Variants in LPCAT2 observed in about 807,000 individuals in gnomAD.
LPCAT2 encodes the protein 1-AGP acyltransferase 11.
In LPCAT2, 58 loss-of-function variants were observed where a neutral mutation model predicts 64.7. The observed-to-expected ratio is 0.90, with a 90% CI of 0.73 to 1.12. The LOEUF (loss-of-function observed/expected upper bound fraction) is 1.12, where lower values mean the gene tolerates loss of function less well. Among genes scored for constraint, LPCAT2 ranks in the 50% most tolerant of loss-of-function variants. LPCAT2 has a pLI of 0.00. For missense variants in LPCAT2, 579 were observed against 669.8 expected (o/e 0.86, Z 1.50); for synonymous variants, 252 against 245.3 (o/e 1.03, Z -0.26).
intron 8 of LPCAT2, among the ~76,000 whole-genome samples, chr16:55,543,427 T>C (rs769119723): frequency 3.8e-4 from 58 of 152,214 alleles, no homozygotes; most frequent in Non-Finnish European, 6.8e-4. Flanking sequence ...TCAAGTGTAT[T>C]ACAAATGGTT....
Position 55,531,309 on chromosome 16 carries a change from A to G in LPCAT2, c.643-605A>G, listed in dbSNP as rs189585965. Among the ~76,000 whole-genome samples, 4 of 152,256 alleles carry G rather than the reference A, an allele frequency of 2.6e-5. No homozygotes were observed. In the East Asian group the frequency reaches 7.7e-4, roughly 29 times the overall value. ...CATCAGAAAATTAAGTTGCTATTTTACTTAATGGGGAAACTAACGTACTGC... is the reference window on the plus strand; with the variant it reads ...CATCAGAAAATTAAGTTGCTATTTTGCTTAATGGGGAAACTAACGTACTGC... On this transcript the variant is annotated intron_variant, in intron 4 of 13. Transcript: ENST00000262134.
intron 7 of LPCAT2, among the ~76,000 whole-genome samples, chr16:55,537,045 GT>G (rs1963332962): frequency 1.3e-5 from 2 of 151,950 alleles, no homozygotes; most frequent in African/African-American, 2.4e-5. Context: ...CTACCTAGGA[GT>G]TTTATAAACA....
At chr16:55,529,770 G>A (rs1276889772) in intron 3 of LPCAT2, 65 bp from the exon 4 acceptor site, 2 of 735,776 alleles carry the variant, frequency 2.7e-6, no homozygotes, top group Non-Finnish European at 4.5e-6. Flanking sequence ...TATATATCCA[G>A]TATTATTGCT....
chr16:55,513,507 G>A (rs915169715), intron 1 of LPCAT2, among the ~76,000 whole-genome samples: 75 of 121,966 alleles, frequency 6.1e-4, no homozygotes, highest in Non-Finnish European at 1.2e-3. Context: ...CTCTATAAAA[G>A]CAATGAAAAC....
At chr16:55,526,936 G>C (rs1053853886) in intron 2 of LPCAT2, among the ~76,000 whole-genome samples, 2 of 152,080 alleles carry the variant, frequency 1.3e-5, no homozygotes, top group Non-Finnish European at 2.9e-5. Context: ...AAATAAGAGT[G>C]TTTAATGGCT....
chr16:55,578,702 A>G (rs75330616), intron 12 of LPCAT2, among the ~76,000 whole-genome samples: 2 of 152,162 alleles, frequency 1.3e-5, no homozygotes, highest in African/African-American at 4.8e-5. Flanking sequence ...TATACCCACC[A>G]TGATCTAATT....
intron 4 of LPCAT2, among the ~76,000 whole-genome samples, chr16:55,531,709 C>T (rs763897589): frequency 1.3e-5 from 2 of 152,090 alleles, no homozygotes; most frequent in Non-Finnish European, 2.9e-5. Flanking sequence ...AAGCTTAAAT[C>T]CATTTTCTAA....
chr16:55,556,767 T>G (rs554404952), intron 11 of LPCAT2, among the ~76,000 whole-genome samples: 1 of 152,230 alleles, frequency 6.6e-6, no homozygotes, highest in African/African-American at 2.4e-5. Context: ...AGAGAAAGAA[T>G]TACTGTGACA....
At chr16:55,536,810 G>A (rs1963329810) in intron 7 of LPCAT2, among the ~76,000 whole-genome samples, 1 of 152,160 alleles carries the variant, frequency 6.6e-6, no homozygotes. Context: ...GTACTGGAAA[G>A]CTATAAGTAG....
At chr16:55,567,952 A>C (rs1181720948) in intron 11 of LPCAT2, among the ~76,000 whole-genome samples, 1 of 152,146 alleles carries the variant, frequency 6.6e-6, no homozygotes. Context: ...GAGGTTCAAA[A>C]TCTGTTTTTC....
chr16:55,572,981 A>C (rs925748021), intron 11 of LPCAT2, among the ~76,000 whole-genome samples: 2 of 152,240 alleles, frequency 1.3e-5, no homozygotes, highest in Admixed American at 6.5e-5. Flanking sequence ...TCTCTGACAG[A>C]CTGGTAATCA....
intron 7 of LPCAT2, among the ~76,000 whole-genome samples, chr16:55,537,372 C>T (rs551394500): frequency 8.9e-5 from 13 of 146,086 alleles, no homozygotes; most frequent in African/African-American, 3.3e-4. Context: ...GACTGGGTGA[C>T]GGAGTAAGAC....
At chr16:55,560,306 A>G (rs980446501) in intron 11 of LPCAT2, among the ~76,000 whole-genome samples, 1 of 152,138 alleles carries the variant, frequency 6.6e-6, no homozygotes, top group Non-Finnish European at 1.5e-5. Flanking sequence ...GGTCCAGATC[A>G]TATTGCAGTT....
At chr16:55,570,500 T>A (rs1963757359) in intron 11 of LPCAT2, among the ~76,000 whole-genome samples, 1 of 152,124 alleles carries the variant, frequency 6.6e-6, no homozygotes, top group Non-Finnish European at 1.5e-5. Flanking sequence ...CCAAGCAAGT[T>A]GGCGCACACC....
chr16:55,564,003 A>G (rs1963664747), intron 11 of LPCAT2, among the ~76,000 whole-genome samples: 1 of 151,956 alleles, frequency 6.6e-6, no homozygotes, highest in Non-Finnish European at 1.5e-5. Context: ...GGGACTTAGC[A>G]ATGTTACAGG....
chr16:55,537,955 G>A (rs1304223045), intron 8 of LPCAT2, among the ~76,000 whole-genome samples: 1 of 152,184 alleles, frequency 6.6e-6, no homozygotes, highest in Non-Finnish European at 1.5e-5. Flanking sequence ...ATAGCTGATA[G>A]AGCCCCACAC....
At position 55,585,601 on chromosome 16, in the gene LPCAT2, TA is replaced by T. The variant is rs1164772589; in HGVS notation, c.*2506del. 1 of 152,198 alleles carries T rather than the reference TA, an allele frequency of 6.6e-6. No homozygotes were observed. The highest frequency in any genetic ancestry group is 1.5e-5 in the Non-Finnish European group (1 of 68,034). 9.4% of individuals were successfully genotyped at this position (152,198 alleles called of 1,614,324 possible). Reference sequence around the variant, plus strand: ...GAGAAATATTATATCCTAAAACCTCTAAACCACAAACATTCAATTGAAAGAG... The same window carrying T: ...GAGAAATATTATATCCTAAAACCTCTAACCACAAACATTCAATTGAAAGAG... On this transcript the variant is annotated 3_prime_UTR_variant, in exon 14 of 14. Coordinates refer to ENST00000262134, the MANE Select transcript of LPCAT2 (RefSeq NM_017839.5).
intron 11 of LPCAT2, among the ~76,000 whole-genome samples, chr16:55,572,110 A>C (rs1963776859): frequency 6.6e-6 from 1 of 152,320 alleles, no homozygotes; most frequent in Admixed American, 6.5e-5. Context: ...ATTCTTTGTC[A>C]TTCAAAACCA....
chr16:55,571,242 G>A (rs1596886652), intron 11 of LPCAT2, among the ~76,000 whole-genome samples: 1 of 152,126 alleles, frequency 6.6e-6, no homozygotes. Flanking sequence ...AGACACATGA[G>A]AATCACCACT....
Sources: allele counts gnomAD v4.1 joint callset (sites outside exome capture counted in the v4.1 genomes callset), GRCh38; gene constraint gnomAD v4.1.1; transcripts MANE v1.5; gene names NCBI Gene and HGNC (gene_info 2026-07-23, HGNC 2026-07-21).